MRPS9: variants seen among roughly 807,000 people sequenced by gnomAD.
The protein encoded by MRPS9 is mitochondrial ribosomal protein S9, also known as small ribosomal subunit protein uS9m.
Under a neutral mutation model 59.9 loss-of-function variants are expected in MRPS9, and 45 were observed. The ratio of observed to expected loss-of-function variants is 0.75; its 90% CI spans 0.59 to 0.96. The LOEUF (loss-of-function observed/expected upper bound fraction) is 0.96. Among genes scored for constraint, MRPS9 ranks in the 40% least tolerant of loss-of-function variants. The pLI, the probability that MRPS9 is intolerant of heterozygous loss-of-function variation, is 0.00. For missense variants in MRPS9, 473 were observed against 481.1 expected (o/e 0.98, Z 0.16); for synonymous variants, 171 against 166.8 (o/e 1.03, Z -0.19).
At chr2:105,072,204 G>A (rs957859287) in intron 4 of MRPS9, among the ~76,000 whole-genome samples, 15 of 152,168 alleles carry the variant, frequency 9.9e-5, no homozygotes, top group African/African-American at 3.6e-4. Context: ...AGCTTTTGCT[G>A]TGACCCTAGA....
intron 4 of MRPS9, among the ~76,000 whole-genome samples, chr2:105,076,618 T>C (rs1381941524): frequency 1.3e-5 from 2 of 152,242 alleles, no homozygotes; most frequent in Non-Finnish European, 2.9e-5. Flanking sequence ...TTGTGTGTTT[T>C]TGGAGTTAAG....
chr2:105,097,465 A>G, intron 10 of MRPS9, 141 bp downstream of exon 10: 1 of 769,478 alleles, frequency 1.3e-6, no homozygotes, highest in Non-Finnish European at 1.9e-6. Flanking sequence ...CTTTCTTGCT[A>G]CAGAACCATA....
At chr2:105,074,033 A>C (rs541145827) in intron 4 of MRPS9, among the ~76,000 whole-genome samples, 1 of 152,206 alleles carries the variant, frequency 6.6e-6, no homozygotes, top group South Asian at 2.1e-4. Flanking sequence ...AAATCATATC[A>C]TTCGATTTTT....
At chr2:105,063,657 G>T (rs1310534674) in intron 2 of MRPS9, among the ~76,000 whole-genome samples, 1 of 152,178 alleles carries the variant, frequency 6.6e-6, no homozygotes, top group African/African-American at 2.4e-5. Context: ...TAGGACATCT[G>T]CTTATATAAC....
At chr2:105,052,726 A>G (rs894949947) in intron 2 of MRPS9, among the ~76,000 whole-genome samples, 2 of 152,158 alleles carry the variant, frequency 1.3e-5, no homozygotes, top group African/African-American at 4.8e-5. Context: ...TGAATTCACC[A>G]GTGAAGCCAT....
chr2:105,050,347 T>G (rs1679688211), intron 2 of MRPS9, among the ~76,000 whole-genome samples: 1 of 151,820 alleles, frequency 6.6e-6, no homozygotes, highest in Admixed American at 6.6e-5. Flanking sequence ...ACCATGTTGG[T>G]CAGGCTGGTC....
chr2:105,043,169 T>A (rs1679530569), intron 1 of MRPS9, among the ~76,000 whole-genome samples: 1 of 152,230 alleles, frequency 6.6e-6, no homozygotes, highest in South Asian at 2.1e-4. Context: ...TAGCTTTTTG[T>A]ATATAGTTGG....
At chr2:105,084,999 G>C (rs1680420245) in intron 5 of MRPS9, among the ~76,000 whole-genome samples, 2 of 152,214 alleles carry the variant, frequency 1.3e-5, no homozygotes, top group South Asian at 2.1e-4. Context: ...AATTTGAATA[G>C]TAAAAATATA....
chr2:105,089,095 A>G (rs1573447014), intron 6 of MRPS9, 26 bp downstream of exon 6: 6 of 1,561,672 alleles, frequency 3.8e-6, no homozygotes, highest in South Asian at 1.1e-5. Context: ...GCATTAAAAT[A>G]TAAGTAAAAT....
At chr2:105,080,456 T>TA (rs1680307582) in intron 5 of MRPS9, among the ~76,000 whole-genome samples, 1 of 152,076 alleles carries the variant, frequency 6.6e-6, no homozygotes. Flanking sequence ...TTTTTGTTGT[T>TA]TTATATATAT....
At chr2:105,085,415 A>ACTATTT (rs993225431) in intron 5 of MRPS9, among the ~76,000 whole-genome samples, 3 of 152,188 alleles carry the variant, frequency 2.0e-5, no homozygotes, top group Non-Finnish European at 2.9e-5. Context: ...ACTATTAGTT[A>ACTATTT]CTATTTATGT....
chr2:105,049,667 G>A lies in MRPS9; in HGVS notation c.315+317G>A, dbSNP rs144216249. Among the ~76,000 whole-genome samples the A allele has an allele frequency of 1.8e-4, 27 of 152,260 alleles. No homozygotes were observed. In the East Asian group the frequency reaches 4.6e-3, roughly 26 times the overall value. ...TATAACAGATGGTAATGAAAATAGA[G>A]TCAAATTTATATCAAGTCCCATAAG... On this transcript the variant is annotated intron_variant, in intron 2 of 10. Transcript: ENST00000258455.
intron 4 of MRPS9, among the ~76,000 whole-genome samples, chr2:105,077,259 A>AAAAAAAAAAAAG (rs1483053539): frequency 1.3e-5 from 2 of 151,738 alleles, no homozygotes; most frequent in Non-Finnish European, 1.5e-5. Flanking sequence ...AAAAAAAAGA[A>AAAAAAAAAAAAG]GAAGAAAAGA....
intron 5 of MRPS9, among the ~76,000 whole-genome samples, chr2:105,085,088 T>C (rs187931322): frequency 2.0e-5 from 3 of 152,280 alleles, no homozygotes; most frequent in African/African-American, 4.8e-5. Context: ...ATATGTTCCA[T>C]CTTGAGATGA....
chr2:105,051,541 A>G (rs1450672700), intron 2 of MRPS9, among the ~76,000 whole-genome samples: 2 of 152,160 alleles, frequency 1.3e-5, no homozygotes, highest in African/African-American at 4.8e-5. Flanking sequence ...TTTTCATATG[A>G]AATTTTAGGA....
chr2:105,088,336 T>C (rs989874712), intron 5 of MRPS9, among the ~76,000 whole-genome samples: 2 of 152,160 alleles, frequency 1.3e-5, no homozygotes, highest in African/African-American at 4.8e-5. Context: ...ATGATCCTTA[T>C]TGCTGGATTA....
At chr2:105,051,857 A>G (rs1456273825) in intron 2 of MRPS9, among the ~76,000 whole-genome samples, 1 of 152,108 alleles carries the variant, frequency 6.6e-6, no homozygotes, top group African/African-American at 2.4e-5. Flanking sequence ...AAGTGAATAC[A>G]GTTGATTTTT....
chr2:105,067,919 T>C (rs11897239), intron 2 of MRPS9, among the ~76,000 whole-genome samples: 30,229 of 152,186 alleles, frequency 0.2, 3,137 homozygotes, highest in Middle Eastern at 0.35. Flanking sequence ...ACTTGAACTC[T>C]TGGGCTCAAG....
chr2:105,039,230 A>T (rs375525472), intron 1 of MRPS9, among the ~76,000 whole-genome samples: 8 of 40,894 alleles, frequency 2.0e-4, no homozygotes, highest in Non-Finnish European at 3.4e-4. Context: ...AACTATATTT[A>T]AAAAAAAAAA....
Sources: gnomAD v4.1 joint callset for allele counts (sites outside exome capture counted in the v4.1 genomes callset) on GRCh38, gnomAD v4.1.1 for gene constraint, MANE v1.5 for transcripts, NCBI Gene and HGNC (gene_info 2026-07-23, HGNC 2026-07-21) for gene names.